GMDS: variants seen among roughly 807,000 people sequenced by gnomAD.
The protein encoded by GMDS is GDP-mannose 4,6 dehydratase.
A neutral mutation model predicts 49.9 loss-of-function variants in GMDS; 20 were observed. The ratio of observed to expected loss-of-function variants is 0.40; its 90% CI spans 0.28 to 0.58. The LOEUF (loss-of-function observed/expected upper bound fraction) is 0.58. Among genes scored for constraint, GMDS ranks in the 20% least tolerant of loss-of-function variants. GMDS has a pLI of 0.42. For missense variants in GMDS, 362 were observed against 481.4 expected (o/e 0.75, Z 2.32); for synonymous variants, 177 against 178.6 (o/e 0.99, Z 0.07).
chr6:1,632,259 G>A (rs565984694), intron 9 of GMDS, among the ~76,000 whole-genome samples: 30 of 152,326 alleles, frequency 2.0e-4, no homozygotes, highest in African/African-American at 7.2e-4. Flanking sequence ...GAGTGGCAAA[G>A]AGGTCTCTAA....
At chr6:2,100,272 G>T (rs1773846463) in intron 4 of GMDS, among the ~76,000 whole-genome samples, 1 of 152,036 alleles carries the variant, frequency 6.6e-6, no homozygotes, top group East Asian at 1.9e-4. Flanking sequence ...TTGGGTTAAA[G>T]AAATGTAAAT....
chr6:1,698,610 G>A (rs1045943335), intron 9 of GMDS, among the ~76,000 whole-genome samples: 3 of 152,142 alleles, frequency 2.0e-5, no homozygotes, highest in East Asian at 1.9e-4. Context: ...GCTGCTTTAA[G>A]CCAAGTCTAC....
At chr6:2,067,859 C>T (rs1016051991) in intron 4 of GMDS, among the ~76,000 whole-genome samples, 1 of 152,082 alleles carries the variant, frequency 6.6e-6, no homozygotes, top group African/African-American at 2.4e-5. Context: ...GCTACCATTC[C>T]TTCTGAAACT....
At position 2,239,329 on chromosome 6, in the gene GMDS, C is replaced by CAA. The variant is rs60419938; in HGVS notation, c.102+5990_102+5991dup. Among the ~76,000 whole-genome samples, 327 of 101,052 alleles carry CAA rather than the reference C, an allele frequency of 3.2e-3. 5 individuals carry two copies. Among genetic ancestry groups the CAA allele is most frequent in the African/African-American group, 4.3e-3 (139 of 32,312 alleles). The allele number at this position is 101,052 out of a possible 152,430, so 66.3% of individuals were successfully genotyped here. Reference sequence around the variant, plus strand: ...CTAGGCAACAGAGTAAGATCTGTCTCAAAAAAAAAAAAAAAAAATCCAATT... The same window carrying CAA: ...CTAGGCAACAGAGTAAGATCTGTCTCAAAAAAAAAAAAAAAAAAAATCCAATT... On this transcript the variant is annotated intron_variant, in intron 1 of 10. Transcript: ENST00000380815.
At chr6:2,080,495 C>T (rs1351223730) in intron 4 of GMDS, among the ~76,000 whole-genome samples, 1 of 152,092 alleles carries the variant, frequency 6.6e-6, no homozygotes, top group African/African-American at 2.4e-5. Context: ...GAACATGTAT[C>T]TATGGTGTTG....
At position 1,735,971 on chromosome 6, in the gene GMDS, C is replaced by A. The variant is rs1310640014; in HGVS notation, c.890+6497G>T. Among the ~76,000 whole-genome samples the A allele has an allele frequency of 5.9e-5, 9 of 152,124 alleles. No homozygotes were observed. The East Asian group carries it at 1.7e-3, about 29-fold the overall frequency. Reference sequence around the variant, plus strand: ...ATGAGCAAATAACACATTTATAGAGCACCTAAGAGGTGTGAGGTGCTGTGC... The same window carrying A: ...ATGAGCAAATAACACATTTATAGAGAACCTAAGAGGTGTGAGGTGCTGTGC... On this transcript the variant is annotated intron_variant, in intron 8 of 10. Coordinates refer to ENST00000380815, the MANE Select transcript of GMDS (RefSeq NM_001500.4).
chr6:1,771,304 C>T (rs113836885), intron 7 of GMDS, among the ~76,000 whole-genome samples: 1 of 152,156 alleles, frequency 6.6e-6, no homozygotes, highest in Non-Finnish European at 1.5e-5. Flanking sequence ...TTCAACCTAA[C>T]TTAGGATGCT....
chr6:1,945,698 CT>C (rs1763047739), intron 6 of GMDS, among the ~76,000 whole-genome samples: 1 of 152,112 alleles, frequency 6.6e-6, no homozygotes, highest in South Asian at 2.1e-4. Context: ...TTGCTTAAGC[CT>C]AGGAGTTAGA....
At chr6:1,999,926 A>G (rs1286399413) in intron 4 of GMDS, among the ~76,000 whole-genome samples, 1 of 85,476 alleles carries the variant, frequency 1.2e-5, no homozygotes, top group African/African-American at 4.2e-5. Flanking sequence ...TATACATATT[A>G]TATATTATTA....
At chr6:2,171,142 A>G (rs1777985847) in intron 1 of GMDS, among the ~76,000 whole-genome samples, 1 of 152,274 alleles carries the variant, frequency 6.6e-6, no homozygotes, top group African/African-American at 2.4e-5. Flanking sequence ...ACTTGAATTC[A>G]GGAGTCTGTG....
intron 7 of GMDS, among the ~76,000 whole-genome samples, chr6:1,910,260 T>A (rs9391939): frequency 0.88 from 130,032 of 148,056 alleles, 56,814 homozygotes; most frequent in East Asian, 0.99. Context: ...CTGGTATGTT[T>A]AAAAAAAAAA....
chr6:1,830,545 A>T (rs1756574560), intron 7 of GMDS, among the ~76,000 whole-genome samples: 1 of 152,246 alleles, frequency 6.6e-6, no homozygotes, highest in Non-Finnish European at 1.5e-5. Context: ...AAAGACAAGA[A>T]GATGAGACAG....
intron 4 of GMDS, among the ~76,000 whole-genome samples, chr6:2,012,089 A>G (rs116244967): frequency 3.8e-4 from 58 of 152,294 alleles, no homozygotes; most frequent in Non-Finnish European, 5.6e-4. Flanking sequence ...AGAGAGTGGA[A>G]TAAAAGATAT....
At chr6:2,014,495 T>C (rs185240077) in intron 4 of GMDS, among the ~76,000 whole-genome samples, 227 of 152,182 alleles carry the variant, frequency 1.5e-3, no homozygotes, top group African/African-American at 5.4e-3. Flanking sequence ...CAGCATACCG[T>C]TATTTAAAAG....
chr6:1,902,780 A>T (rs769292314), intron 7 of GMDS, among the ~76,000 whole-genome samples: 49 of 152,220 alleles, frequency 3.2e-4, no homozygotes, highest in Non-Finnish European at 4.6e-4. Context: ...AAACACTCTG[A>T]TCACTCAAAT....
intron 1 of GMDS, among the ~76,000 whole-genome samples, chr6:2,175,305 C>A (rs1048003758): frequency 1.3e-5 from 2 of 152,060 alleles, no homozygotes; most frequent in East Asian, 1.9e-4. Flanking sequence ...ATATTATTAA[C>A]CTTTAAAAGT....
chr6:1,951,410 C>G (rs1415414434), intron 6 of GMDS, among the ~76,000 whole-genome samples: 1 of 152,114 alleles, frequency 6.6e-6, no homozygotes, highest in African/African-American at 2.4e-5. Flanking sequence ...TTATGAAGCC[C>G]ATATTTAAAG....
At chr6:2,211,689 G>A (rs759057020) in intron 1 of GMDS, among the ~76,000 whole-genome samples, 9 of 151,942 alleles carry the variant, frequency 5.9e-5, no homozygotes, top group Admixed American at 1.3e-4. Context: ...AACACGTAAG[G>A]CAGGAAAAAA....
chr6:1,700,459 G>C (rs1388103108), intron 9 of GMDS, among the ~76,000 whole-genome samples: 1 of 152,128 alleles, frequency 6.6e-6, no homozygotes, highest in Non-Finnish European at 1.5e-5. Context: ...AAGTTCCATA[G>C]ACTCTAAATT....
Sources: allele counts gnomAD v4.1 joint callset (sites outside exome capture counted in the v4.1 genomes callset), GRCh38; gene constraint gnomAD v4.1.1; transcripts MANE v1.5; gene names NCBI Gene and HGNC (gene_info 2026-07-23, HGNC 2026-07-21).